KLHL1: variants seen among roughly 807,000 people sequenced by gnomAD.
KLHL1 encodes the protein kelch like family member 1, also known as kelch-like protein 1.
In KLHL1, 47 loss-of-function variants were observed where a neutral mutation model predicts 77.7. The observed-to-expected ratio is 0.60, with a 90% CI of 0.48 to 0.77. The LOEUF (loss-of-function observed/expected upper bound fraction) is 0.77, where lower values mean the gene tolerates loss of function less well. Among genes scored for constraint, KLHL1 ranks in the 30% least tolerant of loss-of-function variants. KLHL1 has a pLI of 0.00. For synonymous variants in KLHL1, 360 were observed against 325.2 expected (o/e 1.11, Z -1.15); for missense variants, 925 against 910.8 (o/e 1.02, Z -0.20).
intron 10 of KLHL1, among the ~76,000 whole-genome samples, chr13:69,703,981 T>C (rs368566838): frequency 2.6e-5 from 4 of 151,734 alleles, no homozygotes; most frequent in African/African-American, 9.6e-5. Context: ...ACAAGCCCTA[T>C]CACTAAATGG....
At chr13:70,016,075 G>A (rs1486405637) in intron 1 of KLHL1, among the ~76,000 whole-genome samples, 1 of 152,172 alleles carries the variant, frequency 6.6e-6, no homozygotes, top group Non-Finnish European at 1.5e-5. Context: ...AAACACATTT[G>A]TAAATAAAGC....
At chr13:69,889,560 T>C (rs140661615) in intron 4 of KLHL1, among the ~76,000 whole-genome samples, 1 of 152,258 alleles carries the variant, frequency 6.6e-6, no homozygotes, top group East Asian at 1.9e-4. Context: ...CTTTGACCTA[T>C]GTAACATATA....
chr13:69,914,910 C>A (rs889364765), intron 4 of KLHL1, among the ~76,000 whole-genome samples: 1 of 152,130 alleles, frequency 6.6e-6, no homozygotes, highest in African/African-American at 2.4e-5. Flanking sequence ...ATGGTACTAA[C>A]CTTAAGAGAA....
chr13:69,732,942 C>T (rs990454079), intron 8 of KLHL1, among the ~76,000 whole-genome samples: 1 of 152,062 alleles, frequency 6.6e-6, no homozygotes, highest in Non-Finnish European at 1.5e-5. Context: ...GCTTCTAAAT[C>T]TTAATCATTT....
intron 1 of KLHL1, among the ~76,000 whole-genome samples, chr13:70,054,297 T>C (rs1886693965): frequency 6.6e-6 from 1 of 152,074 alleles, no homozygotes; most frequent in African/African-American, 2.4e-5. Context: ...ACAAATCGAA[T>C]TTTTACAGAT....
chr13:69,913,577 A>G (rs541498580), intron 4 of KLHL1, among the ~76,000 whole-genome samples: 5 of 152,318 alleles, frequency 3.3e-5, no homozygotes, highest in African/African-American at 1.2e-4. Context: ...ACTAGAAATG[A>G]TTACTTTTCA....
intron 1 of KLHL1, among the ~76,000 whole-genome samples, chr13:70,035,134 AC>A (rs1184494583): frequency 2.0e-5 from 3 of 152,136 alleles, no homozygotes; most frequent in Non-Finnish European, 1.5e-5. Flanking sequence ...AGTTAAGAGT[AC>A]TTTGTTTATC....
At chr13:70,003,907 T>C (rs999290161) in intron 1 of KLHL1, among the ~76,000 whole-genome samples, 1 of 151,768 alleles carries the variant, frequency 6.6e-6, no homozygotes, top group African/African-American at 2.4e-5. Flanking sequence ...AAATTTAATA[T>C]ACGGACAGTG....
chr13:70,013,938 T>G (rs1268681012), intron 1 of KLHL1, among the ~76,000 whole-genome samples: 3 of 152,136 alleles, frequency 2.0e-5, no homozygotes, highest in African/African-American at 4.8e-5. Flanking sequence ...TGTTTACAAC[T>G]GCAAAAATAT....
chr13:69,955,963 T>G (rs938559579), intron 3 of KLHL1, among the ~76,000 whole-genome samples: 1 of 125,788 alleles, frequency 7.9e-6, no homozygotes, highest in South Asian at 2.5e-4. Flanking sequence ...TATTTGATAT[T>G]TATATATTTG....
At chr13:69,987,003 A>G (rs938313902) in intron 1 of KLHL1, among the ~76,000 whole-genome samples, 5 of 143,204 alleles carry the variant, frequency 3.5e-5, no homozygotes, top group Non-Finnish European at 7.4e-5. Context: ...TTTTTAGATC[A>G]TGAACAAGAT....
intron 1 of KLHL1, among the ~76,000 whole-genome samples, chr13:70,066,764 A>G (rs1887016601): frequency 6.6e-6 from 1 of 152,218 alleles, no homozygotes; most frequent in Non-Finnish European, 1.5e-5. Context: ...ATCACAGCCT[A>G]TGCTAAGCTC....
intron 4 of KLHL1, among the ~76,000 whole-genome samples, chr13:69,892,989 T>C (rs1263680992): frequency 1.3e-5 from 2 of 152,204 alleles, no homozygotes; most frequent in Non-Finnish European, 2.9e-5. Context: ...AATAATTTAC[T>C]AGTTGCTTAC....
chr13:70,067,004 T>C (rs2439614), intron 1 of KLHL1, among the ~76,000 whole-genome samples: 18,696 of 152,272 alleles, frequency 0.12, 1,227 homozygotes, highest in Middle Eastern at 0.16. Context: ...TCAAGCACTT[T>C]GTAAGCTCTA....
chr13:69,925,814 T>C (rs760286964), intron 4 of KLHL1, among the ~76,000 whole-genome samples: 12 of 152,196 alleles, frequency 7.9e-5, no homozygotes, highest in Admixed American at 2.0e-4. Context: ...CTCTCATTCA[T>C]GAGATAAATA....
At chr13:69,841,931 A>G (rs1879277736) in intron 5 of KLHL1, among the ~76,000 whole-genome samples, 1 of 151,894 alleles carries the variant, frequency 6.6e-6, no homozygotes, top group South Asian at 2.1e-4. Context: ...AAGAACTTAC[A>G]CTTGGGAAAG....
intron 1 of KLHL1, among the ~76,000 whole-genome samples, chr13:70,020,749 A>G (rs1444771594): frequency 3.3e-5 from 5 of 151,950 alleles, no homozygotes; most frequent in Non-Finnish European, 5.9e-5. Flanking sequence ...TAGTGTATCA[A>G]TAGAATATTG....
chr13:69,983,201 AT>A (rs1876089878), intron 1 of KLHL1, among the ~76,000 whole-genome samples: 1 of 152,172 alleles, frequency 6.6e-6, no homozygotes, highest in African/African-American at 2.4e-5. Flanking sequence ...ATTGAAGAGG[AT>A]ATTAATAAAT....
chr13:69,729,517 G>GA (rs11381687), intron 8 of KLHL1, among the ~76,000 whole-genome samples: 7,976 of 151,932 alleles, frequency 0.052, 362 homozygotes, highest in African/African-American at 0.12. Context: ...AAAACAAGGG[G>GA]AAAAAATCAC....
Sources: allele counts gnomAD v4.1 joint callset (sites outside exome capture counted in the v4.1 genomes callset), GRCh38; gene constraint gnomAD v4.1.1; transcripts MANE v1.5; gene names NCBI Gene and HGNC (gene_info 2026-07-23, HGNC 2026-07-21).